Variants in CDK13 observed in about 807,000 individuals in gnomAD.
CDK13 encodes cyclin dependent kinase 13.
Under a neutral mutation model 137.6 loss-of-function variants are expected in CDK13, and 40 were observed. The ratio of observed to expected loss-of-function variants is 0.29; its 90% CI spans 0.23 to 0.38. The LOEUF is 0.38. Among genes scored for constraint, CDK13 ranks in the 10% least tolerant of loss-of-function variants. The pLI, the probability that CDK13 is intolerant of heterozygous loss-of-function variation, is 1.00. For missense variants in CDK13, 1,704 were observed against 1,951.8 expected (o/e 0.87, Z 2.39); for synonymous variants, 869 against 760.1 (o/e 1.14, Z -2.36).
At chr7:40,068,392 T>A (rs2329693) in intron 9 of CDK13, among the ~76,000 whole-genome samples, 81,962 of 151,408 alleles carry the variant, frequency 0.54, 24,148 homozygotes, top group African/African-American at 0.79. Context: ...CATGCTGTAC[T>A]GTTACTAAGA....
intron 12 of CDK13, among the ~76,000 whole-genome samples, chr7:40,088,589 C>CT (rs767858394): frequency 4.6e-4 from 70 of 152,240 alleles, no homozygotes; most frequent in Admixed American, 8.5e-4. Context: ...CCTTTTTACT[C>CT]TTAGTGCAGG....
At chr7:39,984,742 G>C (rs1183448582) in intron 1 of CDK13, 1 of 152,242 alleles carries the variant, frequency 6.6e-6, no homozygotes, top group East Asian at 1.9e-4. Flanking sequence ...GGGAGGCCGA[G>C]GCAGGCAGAT....
intron 12 of CDK13, among the ~76,000 whole-genome samples, chr7:40,090,634 C>T (rs1786900259): frequency 6.6e-6 from 1 of 152,066 alleles, no homozygotes; most frequent in Non-Finnish European, 1.5e-5. Context: ...CCCGTAATCC[C>T]AGCACTCTGG....
rs753012230 is a variant in CDK13 at position 39,987,896 on chromosome 7, T to A, written c.1509T>A (p.Ser503Arg). Residue 503 changes from serine (S) to arginine (R), a missense_variant, in exon 2 of 14, where the codon AGT (serine) becomes AGA (arginine). Coordinates refer to ENST00000181839, the MANE Select transcript of CDK13 (RefSeq NM_003718.5). Reference sequence around the variant, plus strand: ...CTACCAAGGGGAACACGGAAACTAGTGCCAGTGCATCACAAACAAACCATG... The same window carrying A: ...CTACCAAGGGGAACACGGAAACTAGAGCCAGTGCATCACAAACAAACCATG... The part of the protein sequence containing the change: ...STPTKGNTET[S>R]ASASQTNHVK... 2 of 1,614,176 alleles carry A rather than the reference T, an allele frequency of 1.2e-6. No homozygotes were observed. The highest frequency in any genetic ancestry group is 1.7e-6 in the Non-Finnish European group (2 of 1,180,016).
intron 7 of CDK13, among the ~76,000 whole-genome samples, chr7:40,057,491 C>G (rs917623361): frequency 1.4e-4 from 22 of 152,090 alleles, no homozygotes; most frequent in African/African-American, 4.8e-4. Flanking sequence ...TGCTTATGTT[C>G]CACTGGAGAG....
chr7:40,062,289 C>T (rs1351184812), intron 7 of CDK13: 1 of 142,466 alleles, frequency 7.0e-6, no homozygotes, highest in Non-Finnish European at 1.5e-5. Flanking sequence ...TACCAGTAAA[C>T]TACTTTTTTT....
rs546106399 is a variant in CDK13 at position 39,976,055 on chromosome 7, T to C, written c.1212-11544T>C. ...GATCACACCTGTACTCCCAGCACTTTGGGAGGCCGAGATGGGCGGATCACC... is the reference window on the plus strand; with the variant it reads ...GATCACACCTGTACTCCCAGCACTTCGGGAGGCCGAGATGGGCGGATCACC... On this transcript the variant is annotated intron_variant, in intron 1 of 13. Coordinates refer to ENST00000181839, the MANE Select transcript of CDK13 (RefSeq NM_003718.5). Among the ~76,000 whole-genome samples the C allele has an allele frequency of 1.8e-4, 27 of 152,158 alleles. No homozygotes were observed. In the South Asian group the frequency reaches 5.6e-3, roughly 32 times the overall value.
At chr7:39,956,480 C>T (rs1034544516) in intron 1 of CDK13, among the ~76,000 whole-genome samples, 2 of 152,184 alleles carry the variant, frequency 1.3e-5, no homozygotes, top group East Asian at 3.8e-4. Flanking sequence ...ACATTCTTCT[C>T]GTTTCATCCA....
At chr7:39,975,918 A>G (rs1322636944) in intron 1 of CDK13, among the ~76,000 whole-genome samples, 2 of 152,212 alleles carry the variant, frequency 1.3e-5, no homozygotes, top group African/African-American at 4.8e-5. Flanking sequence ...TTAAAAGACA[A>G]AGACATAAAA....
chr7:39,962,536 T>C (rs1332251754), intron 1 of CDK13, among the ~76,000 whole-genome samples: 2 of 152,234 alleles, frequency 1.3e-5, no homozygotes, highest in Non-Finnish European at 2.9e-5. Context: ...ATATTAGCCC[T>C]TTGTCACTTG....
In CDK13 at chr7:40,077,772, C is replaced by T. The variant is rs576887219; in HGVS notation, c.2781-233C>T. Among the ~76,000 whole-genome samples, 9 of 152,254 alleles carry T rather than the reference C, an allele frequency of 5.9e-5. No homozygotes were observed. The South Asian group carries it at 1.9e-3, about 32-fold the overall frequency. On this transcript the variant is annotated intron_variant, in intron 9 of 13. Coordinates refer to ENST00000181839, the MANE Select transcript of CDK13 (RefSeq NM_003718.5). The stretch of plus-strand genomic sequence containing the variant: ...TCAGGAGGCTGAGGCAGGAGAATCA[C>T]TTGAACCCAGGAGGCAGAGATTGCA...
intron 1 of CDK13, among the ~76,000 whole-genome samples, chr7:39,976,323 T>TTCTCTCTCTCTCTCTCTCTCTCTCACA (rs1784108214): frequency 5.1e-5 from 2 of 39,548 alleles, no homozygotes; most frequent in African/African-American, 6.9e-5. Flanking sequence ...TCTCTCTCTC[T>TTCTCTCTCTCTCTCTCTCTCTCTCACA]CACACACACA....
Position 39,950,379 on chromosome 7 carries a change from C to T in CDK13, c.-263C>T. ...CCCGGCGCATCTGGTGTTTTCGCTGCCGAGGATAGGACGACGAGCGCAATC... is the reference window on the plus strand; with the variant it reads ...CCCGGCGCATCTGGTGTTTTCGCTGTCGAGGATAGGACGACGAGCGCAATC... On this transcript the variant is annotated 5_prime_UTR_variant, in exon 1 of 14. Transcript: ENST00000181839. The T allele has an allele frequency of 8.2e-7, 1 of 1,217,090 alleles. No individual in the cohort carries two copies. Among genetic ancestry groups the T allele is most frequent in the Non-Finnish European group, 1.0e-6 (1 of 978,768 alleles). 75.4% of individuals were successfully genotyped at this position (1,217,090 alleles called of 1,614,324 possible).
chr7:39,977,613 TGA>T (rs1441180800), intron 1 of CDK13, among the ~76,000 whole-genome samples: 2 of 152,232 alleles, frequency 1.3e-5, no homozygotes, highest in Non-Finnish European at 2.9e-5. Context: ...GAGAGGAATA[TGA>T]GAGAAACATT....
At chr7:39,954,216 A>G (rs773465737) in intron 1 of CDK13, among the ~76,000 whole-genome samples, 16 of 152,202 alleles carry the variant, frequency 1.1e-4, no homozygotes, top group Non-Finnish European at 2.1e-4. Context: ...GATTTTTCAC[A>G]TTATATCTAG....
rs1787116691 is a variant in CDK13, at chr7:39,950,571, G to A, written c.-71G>A. ...CTCCGCCGCCGCTCCCGTTTCCGGC[G>A]GGGGAGATGGCCAGGATCTGACCCG... On this transcript the variant is annotated 5_prime_UTR_variant, in exon 1 of 14. Coordinates refer to ENST00000181839, the MANE Select transcript of CDK13 (RefSeq NM_003718.5). The A allele has an allele frequency of 1.0e-5, 13 of 1,270,654 alleles. No individual in the cohort carries two copies. The highest frequency in any genetic ancestry group is 1.3e-5 in the Non-Finnish European group (13 of 1,008,580). The allele number at this position is 1,270,654 out of a possible 1,614,324, so 78.7% of individuals were successfully genotyped here. A position where few individuals can be genotyped will look rare whatever the true frequency, so the allele number is the denominator to read the frequency against.
chr7:40,043,348 T>G (rs1370273497), intron 5 of CDK13, among the ~76,000 whole-genome samples: 1 of 152,216 alleles, frequency 6.6e-6, no homozygotes, highest in East Asian at 1.9e-4. Flanking sequence ...CCCTATGGTA[T>G]GACACAGGTC....
intron 2 of CDK13, among the ~76,000 whole-genome samples, chr7:39,991,287 C>T (rs1479658383): frequency 6.6e-6 from 1 of 152,020 alleles, no homozygotes; most frequent in Non-Finnish European, 1.5e-5. Flanking sequence ...TTTAGGAAAC[C>T]CGAATATGGG....
chr7:40,015,874 C>G (rs961798876), intron 5 of CDK13, among the ~76,000 whole-genome samples: 1 of 151,992 alleles, frequency 6.6e-6, no homozygotes, highest in Non-Finnish European at 1.5e-5. Flanking sequence ...TCATTGGTTG[C>G]GATCAAACCC....
Sources: gnomAD v4.1 joint callset for allele counts (sites outside exome capture counted in the v4.1 genomes callset) on GRCh38, gnomAD v4.1.1 for gene constraint, MANE v1.5 for transcripts, NCBI Gene and HGNC (gene_info 2026-07-23, HGNC 2026-07-21) for gene names.